The following LRRC37A2 variants were observed in gnomAD, a reference collection of about 807,000 sequenced individuals.
LRRC37A2 encodes leucine-rich repeat-containing protein 37A2.
LRRC37A2 carries 9 observed loss-of-function variants against 68.8 expected under a neutral mutation model. The observed-to-expected ratio is 0.13, with a 90% CI of 0.08 to 0.23. The LOEUF is 0.23. LRRC37A2 is among the 10% of genes least tolerant of loss of function. The pLI, the probability that LRRC37A2 is intolerant of heterozygous loss-of-function variation, is 1.00. For missense variants in LRRC37A2, 168 were observed against 950.4 expected (o/e 0.18, Z 10.82); for synonymous variants, 63 against 367.6 (o/e 0.17, Z 9.48).
At chr17:46,940,137 G>T in the LRRC37A2 span, 1 of 1,251,254 alleles carries the variant, frequency 8.0e-7, no homozygotes, top group Non-Finnish European at 1.0e-6. Flanking sequence ...TCCCCTCCCC[G>T]CTGCTCTGTA....
the LRRC37A2 span, among the ~76,000 whole-genome samples, chr17:46,791,315 G>A: frequency 6.6e-6 from 1 of 151,946 alleles, no homozygotes; most frequent in Non-Finnish European, 1.5e-5. Context: ...CCAGGTTCAA[G>A]CGATTCTCCT....
the LRRC37A2 span, among the ~76,000 whole-genome samples, chr17:46,771,166 G>A: frequency 8.5e-5 from 13 of 152,206 alleles, no homozygotes; most frequent in Non-Finnish European, 1.5e-4. Context: ...CCTACAGAGG[G>A]GCCCGTCCCA....
At chr17:46,843,637 G>A in the LRRC37A2 span, among the ~76,000 whole-genome samples, 1 of 152,200 alleles carries the variant, frequency 6.6e-6, no homozygotes, top group African/African-American at 2.4e-5. Context: ...TCTAATCCCG[G>A]TTCTAAGCTT....
the LRRC37A2 span, chr17:46,830,920 T>C: frequency 2.6e-4 from 104 of 396,772 alleles, no homozygotes; most frequent in African/African-American, 1.9e-3. Context: ...GATCCTTTTC[T>C]AATAAAGAGA....
At chr17:46,753,078 C>T in the LRRC37A2 span, among the ~76,000 whole-genome samples, 1 of 152,188 alleles carries the variant, frequency 6.6e-6, no homozygotes, top group Non-Finnish European at 1.5e-5. Context: ...CAGTAAACTT[C>T]TGTTGGATGA....
chr17:46,740,342 A>G, the LRRC37A2 span, among the ~76,000 whole-genome samples: 3 of 152,226 alleles, frequency 2.0e-5, no homozygotes, highest in Admixed American at 6.5e-5. Context: ...TTGTGAACAT[A>G]AGAGACAATT....
chr17:46,722,186 C>G, the LRRC37A2 span: 1 of 1,601,802 alleles, frequency 6.2e-7, no homozygotes, highest in Non-Finnish European at 8.5e-7. Flanking sequence ...CCTGGGAGAA[C>G]TTGCAGCGCC....
chr17:46,875,228 G>T, the LRRC37A2 span: 2 of 1,614,196 alleles, frequency 1.2e-6, no homozygotes, highest in Non-Finnish European at 1.7e-6. Context: ...TGGAGAGCCG[G>T]CAGGCCTGGC....
At chr17:46,888,233 G>C in the LRRC37A2 span, among the ~76,000 whole-genome samples, 2 of 152,164 alleles carry the variant, frequency 1.3e-5, no homozygotes, top group Non-Finnish European at 2.9e-5. Flanking sequence ...AGCTTAGGGA[G>C]GTGTGGGTCA....
the LRRC37A2 span, chr17:47,010,533 T>C: frequency 6.6e-6 from 1 of 152,322 alleles, no homozygotes; most frequent in African/African-American, 2.4e-5. Flanking sequence ...CCAGTTTGCA[T>C]GGTTAAAACC....
chr17:46,762,664 T>C, the LRRC37A2 span: 1 of 151,760 alleles, frequency 6.6e-6, no homozygotes, highest in Non-Finnish European at 1.5e-5. Flanking sequence ...AAAAGAGACT[T>C]TTTGAATATA....
chr17:46,762,238 CTG>C, the LRRC37A2 span, among the ~76,000 whole-genome samples: 2 of 152,226 alleles, frequency 1.3e-5, no homozygotes, highest in South Asian at 4.1e-4. Context: ...ATACTTGAGT[CTG>C]TGAAATGAAT....
the LRRC37A2 span, among the ~76,000 whole-genome samples, chr17:46,496,528 G>A: frequency 5.5e-5 from 8 of 146,720 alleles, 1 homozygote; most frequent in African/African-American, 2.1e-4. Flanking sequence ...ACTTGAATCC[G>A]GGAGTTGGAT....
chr17:46,805,540 T>C, the LRRC37A2 span, among the ~76,000 whole-genome samples: 1 of 152,188 alleles, frequency 6.6e-6, no homozygotes, highest in Non-Finnish European at 1.5e-5. Context: ...GCAATTGCAC[T>C]GCAGCCTGGG....
chr17:46,525,369 C>T (rs1293931932), intron 6 of LRRC37A2, among the ~76,000 whole-genome samples: 2 of 103,106 alleles, frequency 1.9e-5, no homozygotes, highest in African/African-American at 7.4e-5. Flanking sequence ...GGGTGGATCA[C>T]CTGAGGTCAG....
the LRRC37A2 span, among the ~76,000 whole-genome samples, chr17:47,000,096 T>TAAAATAAAAATAA: frequency 2.6e-5 from 3 of 114,822 alleles, no homozygotes; most frequent in African/African-American, 6.0e-5. Flanking sequence ...TAAAATAAAA[T>TAAAATAAAAATAA]AAAATAAAAT....
At chr17:46,608,309 C>CA in the LRRC37A2 span, among the ~76,000 whole-genome samples, 1 of 55,364 alleles carries the variant, frequency 1.8e-5, no homozygotes, top group African/African-American at 9.6e-5. Context: ...GACTCTGTCT[C>CA]AAAAAAAGAA....
chr17:46,575,666 T>C, the LRRC37A2 span, among the ~76,000 whole-genome samples: 2 of 85,534 alleles, frequency 2.3e-5, no homozygotes, highest in Non-Finnish European at 4.9e-5. Flanking sequence ...AACCTAAGAA[T>C]GTGCAAGCCA....
the LRRC37A2 span, among the ~76,000 whole-genome samples, chr17:46,633,925 G>A: frequency 1.4e-5 from 1 of 71,458 alleles, no homozygotes; most frequent in Non-Finnish European, 2.4e-5. Flanking sequence ...AGGCTGGAGT[G>A]CAATGGTGCG....
Sources: gnomAD v4.1 joint callset for allele counts (sites outside exome capture counted in the v4.1 genomes callset) on GRCh38, gnomAD v4.1.1 for gene constraint, MANE v1.5 for transcripts, NCBI Gene and HGNC (gene_info 2026-07-23, HGNC 2026-07-21) for gene names.